The following ALDH3A2 variants were observed in gnomAD, a reference collection of about 807,000 sequenced individuals.
ALDH3A2 encodes the protein aldehyde dehydrogenase 3 family member A2.
A neutral mutation model predicts 51.3 loss-of-function variants in ALDH3A2; 36 were observed. The observed-to-expected ratio is 0.70, with a 90% CI of 0.54 to 0.93. The LOEUF (loss-of-function observed/expected upper bound fraction) is 0.93, where lower values mean the gene tolerates loss of function less well. Among genes scored for constraint, ALDH3A2 ranks in the 40% least tolerant of loss-of-function variants. The probability of loss-of-function intolerance (pLI) is 0.00; values close to 1 mark genes in which losing one functional copy is unlikely to be tolerated. For missense variants in ALDH3A2, 552 were observed against 603.1 expected (o/e 0.92, Z 0.89); for synonymous variants, 199 against 219.8 (o/e 0.91, Z 0.84).
intron 9 of ALDH3A2, chr17:19,673,258 C>T: frequency 3.7e-6 from 6 of 1,614,112 alleles, no homozygotes; most frequent in Non-Finnish European, 5.1e-6. Context: ...AAACCCAGCC[C>T]TGTCTGTTAA....
rs780205830 is a variant in ALDH3A2, at chr17:19,673,346, GTTTGTT to G, written c.1443+1418_1443+1423del. 358 of 1,470,082 alleles carry G rather than the reference GTTTGTT, an allele frequency of 2.4e-4. 1 individual carries two copies. Among genetic ancestry groups the G allele is most frequent in the South Asian group, 1.5e-3 (117 of 79,778 alleles). The allele number at this position is 1,470,082 out of a possible 1,614,324, so 91.1% of individuals were successfully genotyped here. A position where few individuals can be genotyped will look rare whatever the true frequency, so the allele number is the denominator to read the frequency against. On this transcript the variant is annotated intron_variant, in intron 9 of 9. Transcript: ENST00000176643. ...GGGGTATGTTTTCAAGGGTTTTTTG[GTTTGTT>G]TTTGTTTTTGTTTTTGTTTTTGTTT...
chr17:19,665,914 A>G (rs778367147), intron 8 of ALDH3A2, among the ~76,000 whole-genome samples: 14 of 152,204 alleles, frequency 9.2e-5, no homozygotes, highest in Non-Finnish European at 1.8e-4. Context: ...GCGATGGCCC[A>G]GTTTGGCAGG....
At chr17:19,659,087 C>T (rs997976548) in intron 5 of ALDH3A2, among the ~76,000 whole-genome samples, 21 of 152,000 alleles carry the variant, frequency 1.4e-4, no homozygotes, top group African/African-American at 4.8e-4. Flanking sequence ...AAAAATTAGC[C>T]GGGCATGGTG....
rs746519259 is a variant in ALDH3A2 at position 19,661,121 on chromosome 17, A to G, written c.799-6A>G. 3.5e-5 allele frequency: 56 copies of G among 1,608,208 alleles called. No homozygotes were observed. The highest frequency in any genetic ancestry group is 2.0e-5 in the Non-Finnish European group (24 of 1,174,910). Reference sequence around the variant, plus strand: ...GACATTTATATACTCCTGTTGTTTTAAATAGGAATTTTATGGAGAAAATAT... The same window carrying G: ...GACATTTATATACTCCTGTTGTTTTGAATAGGAATTTTATGGAGAAAATAT... On this transcript the variant is annotated splice_polypyrimidine_tract_variant and splice_region_variant and intron_variant, in intron 5 of 9. Coordinates refer to ENST00000176643, the MANE Select transcript of ALDH3A2 (RefSeq NM_000382.3).
intron 8 of ALDH3A2, 63 bp downstream of exon 8, chr17:19,665,110 A>T (rs1226495919): frequency 5.6e-5 from 78 of 1,401,896 alleles, no homozygotes; most frequent in Middle Eastern, 5.3e-4. Context: ...TCATGAGTGG[A>T]TTGTATGGGC....
rs775956471 is a variant in ALDH3A2 at position 19,663,358 on chromosome 17, T to A, written c.966T>A (p.Asp322Glu). The A allele has an allele frequency of 1.2e-6, 2 of 1,614,162 alleles. No individual in the cohort carries two copies. Among genetic ancestry groups the A allele is most frequent in the South Asian group, 2.2e-5 (2 of 91,080 alleles). ...CCCCAACAGTACTTACCGATGTTGA[T>A]CCTAAAACCAAGGTGATGCAAGAAG... ...YIAPTVLTDV[D>E]PKTKVMQEEI... The change falls in exon 7 of 10, where the codon GAT (aspartate) becomes GAA (glutamate). Residue 322 changes from aspartate (D) to glutamate (E), a missense_variant. By Grantham distance (45) the Asp-to-Glu change is conservative (BLOSUM62 2). Transcript: ENST00000176643.
intron 5 of ALDH3A2, among the ~76,000 whole-genome samples, chr17:19,659,950 A>G (rs1305058193): frequency 6.6e-6 from 1 of 152,056 alleles, no homozygotes; most frequent in African/African-American, 2.4e-5. Context: ...GGGTCTTGAC[A>G]TGGAAATTGG....
At chr17:19,675,243 A>T in intron 9 of ALDH3A2, 1 of 322,472 alleles carries the variant, frequency 3.1e-6, no homozygotes, top group South Asian at 8.2e-5. Context: ...AAATGCTAGG[A>T]TAATAAGTTA....
chr17:19,650,439 C>CTTGTTT (rs765487705), intron 1 of ALDH3A2, among the ~76,000 whole-genome samples: 9 of 151,916 alleles, frequency 5.9e-5, no homozygotes, highest in African/African-American at 1.4e-4. Flanking sequence ...AGGCTATCAT[C>CTTGTTT]TTGTTTTTGT....
chr17:19,648,270 G>C (rs2084761516), upstream of ALDH3A2: 1 of 152,476 alleles, frequency 6.6e-6, no homozygotes, highest in Admixed American at 6.5e-5. Context: ...GGGACGGTCA[G>C]TGCCGGTCGA....
intron 8 of ALDH3A2, among the ~76,000 whole-genome samples, chr17:19,667,499 A>G (rs948291491): frequency 2.6e-5 from 4 of 152,228 alleles, no homozygotes; most frequent in African/African-American, 9.6e-5. Context: ...ATATAGACAC[A>G]GTGGCAAAAA....
rs1469606784 is a variant in ALDH3A2 at position 19,656,516 on chromosome 17, C to T, written c.622C>T (p.Leu208=). ...GCATCTGACCCCTGTGACTCTTGAA[C>T]TGGGAGGGAAAAGTCCATGTTATAT... is the stretch of plus-strand genomic sequence containing the variant. ...AKHLTPVTLE[L]GGKSPCYIDK... Residue 208 remains leucine, a synonymous_variant, in exon 4 of 10, where the codon CTG becomes TTG. Transcript: ENST00000176643. 2 of 1,614,124 alleles carry T rather than the reference C, an allele frequency of 1.2e-6. No individual in the cohort carries two copies. The highest frequency in any genetic ancestry group is 1.7e-6 in the Non-Finnish European group (2 of 1,180,026).
At chr17:19,648,323 G>T (rs1229636341), upstream of ALDH3A2, 2 of 152,922 alleles carry the variant, frequency 1.3e-5, no homozygotes, top group Non-Finnish European at 2.9e-5. Context: ...CAGGGAAGCG[G>T]AATGGGGAGC....
At chr17:19,652,324 G>T (rs576964645) in intron 2 of ALDH3A2, among the ~76,000 whole-genome samples, 2 of 152,178 alleles carry the variant, frequency 1.3e-5, no homozygotes, top group East Asian at 1.9e-4. Flanking sequence ...AGTGGGAAAG[G>T]CTGCTGGAAC....
intron 9 of ALDH3A2, 119 bp downstream of exon 9, chr17:19,672,075 A>G (rs1013141054): frequency 1.0e-6 from 1 of 984,998 alleles, no homozygotes; most frequent in Admixed American, 1.9e-5. Flanking sequence ...TCAGTGAACC[A>G]CAGCCTGCTG....
intron 8 of ALDH3A2, among the ~76,000 whole-genome samples, chr17:19,666,721 G>A (rs2152331699): frequency 6.6e-6 from 1 of 151,940 alleles, no homozygotes; most frequent in Non-Finnish European, 1.5e-5. Flanking sequence ...AGGTTGCAGT[G>A]AGCTGAGATT....
At position 19,652,535 on chromosome 17, in the gene ALDH3A2, T is replaced by TA. The variant is rs1453269468; in HGVS notation, c.386-11dup. 6.2e-7 allele frequency: 1 copy of TA among 1,601,938 alleles called. No homozygotes were observed. The highest frequency in any genetic ancestry group is 1.1e-5 in the South Asian group (1 of 90,850). ...TATTAGATGATACTGTTCTACTTTT[T>TA]ACTTTATTTAGGAAATGCTGTGATT... On this transcript the variant is annotated splice_polypyrimidine_tract_variant and intron_variant, in intron 2 of 9. Transcript: ENST00000176643.
rs148480260 is a variant in ALDH3A2 at position 19,651,870 on chromosome 17, T to C, written c.385+92T>C. The C allele has an allele frequency of 7.0e-3, 8,353 of 1,185,058 alleles. 80 individuals carry two copies. Among genetic ancestry groups the C allele is most frequent in the Non-Finnish European group, 8.5e-3 (6,804 of 801,938 alleles). 73.4% of individuals were successfully genotyped at this position (1,185,058 alleles called of 1,614,324 possible). On this transcript the variant is annotated intron_variant, in intron 2 of 9. Coordinates refer to ENST00000176643, the MANE Select transcript of ALDH3A2 (RefSeq NM_000382.3). ...TAAGGATAGTGGCTAATTAAATACA[T>C]TTACTTGGTGATTTGCCTTTGTTTA...
intron 8 of ALDH3A2, among the ~76,000 whole-genome samples, chr17:19,668,757 C>A (rs181849605): frequency 7.7e-6 from 1 of 130,302 alleles, no homozygotes; most frequent in Non-Finnish European, 1.7e-5. Flanking sequence ...CTGGGTGTGG[C>A]GGCACCACCT....
Sources: allele counts gnomAD v4.1 joint callset (sites outside exome capture counted in the v4.1 genomes callset), GRCh38; gene constraint gnomAD v4.1.1; transcripts MANE v1.5; gene names NCBI Gene and HGNC (gene_info 2026-07-23, HGNC 2026-07-21).